Variants in EPB41L5 observed in about 807,000 individuals in gnomAD.
EPB41L5 encodes the protein band 4.1-like protein 5.
Under a neutral mutation model 106.6 loss-of-function variants are expected in EPB41L5, and 55 were observed. The ratio of observed to expected loss-of-function variants is 0.52; its 90% CI spans 0.42 to 0.65. EPB41L5 has a LOEUF of 0.65. Among genes scored for constraint, EPB41L5 ranks in the 30% least tolerant of loss-of-function variants. The probability of loss-of-function intolerance (pLI) is 0.00; values close to 1 mark genes in which losing one functional copy is unlikely to be tolerated. For missense variants in EPB41L5, 871 were observed against 882.1 expected, an observed-to-expected ratio of 0.99 and a Z score of 0.16; for synonymous variants, 297 against 306.7, an observed-to-expected ratio of 0.97 and a Z score of 0.33.
intron 16 of EPB41L5, among the ~76,000 whole-genome samples, chr2:120,126,425 A>C (rs1315283938): frequency 2.0e-5 from 3 of 152,128 alleles, no homozygotes; most frequent in Non-Finnish European, 4.4e-5. Flanking sequence ...AAAGTTTTAC[A>C]GTTTTTACTC....
intron 2 of EPB41L5, among the ~76,000 whole-genome samples, chr2:120,026,661 G>A (rs183134333): frequency 2.0e-4 from 30 of 152,118 alleles, no homozygotes; most frequent in Admixed American, 3.3e-4. Context: ...GAGCCACTGC[G>A]CCCGGCCTGG....
chr2:120,160,948 C>G lies in EPB41L5; in HGVS notation c.1861C>G (p.Pro621Ala), dbSNP rs767564905. 1.2e-6 allele frequency: 2 copies of G among 1,613,882 alleles called. No individual in the cohort carries two copies. Among genetic ancestry groups the G allele is most frequent in the South Asian group, 1.1e-5 (1 of 91,084 alleles). ...TCTTGAGACTCTGATGCTTATCACA[C>G]CTGCCGACAGTGGTTCTGTTCTAAA... ...ESLETLMLIT[P>A]ADSGSVLKEA... Residue 621 changes from proline (P) to alanine (A), a missense_variant, in exon 21 of 25, where the codon CCT (proline) becomes GCT (alanine). By Grantham distance (27) the Pro-to-Ala change is conservative. Coordinates refer to ENST00000263713, the MANE Select transcript of EPB41L5 (RefSeq NM_020909.4).
chr2:120,090,432 A>T lies in EPB41L5; in HGVS notation c.959A>T (p.His320Leu). The change falls in exon 12 of 25, where the codon CAT (histidine) becomes CTT (leucine). Residue 320 changes from histidine (H) to leucine (L), a missense_variant. Coordinates refer to ENST00000263713, the MANE Select transcript of EPB41L5 (RefSeq NM_020909.4). ...KHLWKCAVEH[H>L]AFFRLRGPVQ... The stretch of plus-strand genomic sequence containing the variant: ...TTATGGAAATGTGCTGTGGAGCATC[A>T]TGCTTTCTTCCGCCTTCGAGGCCCC... 1 of 1,613,862 alleles carries T rather than the reference A, an allele frequency of 6.2e-7. No individual in the cohort carries two copies. The highest frequency in any genetic ancestry group is 8.5e-7 in the Non-Finnish European group (1 of 1,179,840).
At chr2:120,013,680 A>C (rs1318940054) in intron 1 of EPB41L5, 1 of 152,242 alleles carries the variant, frequency 6.6e-6, no homozygotes, top group Non-Finnish European at 1.5e-5. Context: ...AAGGAGAGGC[A>C]GGTGTGTTCC....
intron 2 of EPB41L5, among the ~76,000 whole-genome samples, chr2:120,040,171 T>C (rs1382616246): frequency 2.6e-5 from 4 of 151,962 alleles, no homozygotes; most frequent in East Asian, 1.9e-4. Context: ...AGGAGAAATA[T>C]TTGAGAAAAC....
At chr2:120,077,755 T>C (rs1682349470) in intron 9 of EPB41L5, among the ~76,000 whole-genome samples, 1 of 152,194 alleles carries the variant, frequency 6.6e-6, no homozygotes, top group Non-Finnish European at 1.5e-5. Flanking sequence ...TTAAGTTATT[T>C]CTAGTTTAAC....
At chr2:120,131,400 A>G (rs1472699400) in intron 17 of EPB41L5, among the ~76,000 whole-genome samples, 1 of 152,160 alleles carries the variant, frequency 6.6e-6, no homozygotes, top group East Asian at 1.9e-4. Flanking sequence ...TGCTGCAGAT[A>G]TAGGGTGGTG....
At chr2:120,031,253 A>G (rs1382017251) in intron 2 of EPB41L5, among the ~76,000 whole-genome samples, 1 of 152,194 alleles carries the variant, frequency 6.6e-6, no homozygotes, top group African/African-American at 2.4e-5. Flanking sequence ...CTCCCACACA[A>G]CCAGCTCCGC....
At chr2:120,086,357 T>G (rs80027053) in intron 10 of EPB41L5, among the ~76,000 whole-genome samples, 1 of 152,122 alleles carries the variant, frequency 6.6e-6, no homozygotes, top group African/African-American at 2.4e-5. Flanking sequence ...AGAGTTCAAA[T>G]GTGTGGTAGG....
At chr2:120,083,517 T>C (rs1453160161) in intron 10 of EPB41L5, among the ~76,000 whole-genome samples, 1 of 152,220 alleles carries the variant, frequency 6.6e-6, no homozygotes, top group Non-Finnish European at 1.5e-5. Context: ...AGTGTTTTAC[T>C]TCCAACTATG....
At chr2:120,156,029 C>T (rs953544333) in intron 20 of EPB41L5, among the ~76,000 whole-genome samples, 7 of 152,266 alleles carry the variant, frequency 4.6e-5, no homozygotes, top group Admixed American at 1.3e-4. Flanking sequence ...GGGCAGCAAG[C>T]CAGCTGATGT....
chr2:120,151,614 T>TC (rs1017517796), intron 20 of EPB41L5, among the ~76,000 whole-genome samples: 2 of 133,382 alleles, frequency 1.5e-5, no homozygotes, highest in African/African-American at 3.7e-5. Flanking sequence ...CTGGCCCTTT[T>TC]TTTTTTTTTT....
Position 120,042,060 on chromosome 2 carries a change from A to G in EPB41L5, c.235A>G (p.Ile79Val), listed in dbSNP as rs1207994515. The change falls in exon 3 of 25, where the codon ATT becomes GTT. Residue 79 changes from isoleucine to valine, a missense_variant. Transcript: ENST00000263713. ...FDQIMYHLDL[I>V]ESDYFGLRFM... The stretch of plus-strand genomic sequence containing the variant: ...TCAGATTATGTACCACCTGGACCTG[A>G]TTGAAAGCGACTATTTTGGTCTGAG... 6 of 1,613,598 alleles carry G rather than the reference A, an allele frequency of 3.7e-6. No homozygotes were observed. The South Asian group carries it at 4.4e-5, about 12-fold the overall frequency.
chr2:120,124,570 A>G (rs1483375851), intron 16 of EPB41L5, among the ~76,000 whole-genome samples: 2 of 152,208 alleles, frequency 1.3e-5, no homozygotes, highest in Admixed American at 1.3e-4. Context: ...GAATCTCCAA[A>G]AATCAAAGAT....
chr2:120,107,971 ATGAG>A lies in EPB41L5; in HGVS notation c.1337+7161_1337+7164del, dbSNP rs574871468. 3.3e-4 allele frequency among the ~76,000 whole-genome samples: 50 copies of A among 152,336 alleles called. No homozygotes were observed. In the East Asian group the frequency reaches 9.6e-3, roughly 29 times the overall value. Reference sequence around the variant, plus strand: ...AATACATAGTGTCTTTGTTAAAAGAATGAGTGAAGAGAAGAGAAAATTTTAAAAG... The same window carrying A: ...AATACATAGTGTCTTTGTTAAAAGAATGAAGAGAAGAGAAAATTTTAAAAG... On this transcript the variant is annotated intron_variant, in intron 16 of 24. Transcript: ENST00000263713.
At chr2:120,061,234 T>A (rs7586172) in intron 3 of EPB41L5, among the ~76,000 whole-genome samples, 1,621 of 147,950 alleles carry the variant, frequency 0.011, 29 homozygotes, top group African/African-American at 0.031. Context: ...TTTTATTTTT[T>A]TTTTTTGAGA....
intron 18 of EPB41L5, among the ~76,000 whole-genome samples, chr2:120,135,051 C>G (rs1685866274): frequency 6.6e-6 from 1 of 152,058 alleles, no homozygotes; most frequent in African/African-American, 2.4e-5. Context: ...CAGTGAAATT[C>G]AAGATAACAC....
intron 3 of EPB41L5, among the ~76,000 whole-genome samples, chr2:120,046,132 T>C (rs751402281): frequency 7.9e-5 from 12 of 152,222 alleles, no homozygotes; most frequent in African/African-American, 1.2e-4. Context: ...TGCATGTGTC[T>C]TTATAGCAGC....
chr2:120,032,851 ATTTAG>A (rs1678805099), intron 2 of EPB41L5, among the ~76,000 whole-genome samples: 1 of 152,202 alleles, frequency 6.6e-6, no homozygotes, highest in Non-Finnish European at 1.5e-5. Flanking sequence ...GTAATTTTAT[ATTTAG>A]TTAAGAACCT....
Sources: gnomAD v4.1 joint callset for allele counts (sites outside exome capture counted in the v4.1 genomes callset) on GRCh38, gnomAD v4.1.1 for gene constraint, MANE v1.5 for transcripts, NCBI Gene and HGNC (gene_info 2026-07-23, HGNC 2026-07-21) for gene names.